The following SGCZ variants were observed in gnomAD, a reference collection of about 807,000 sequenced individuals.
The protein encoded by SGCZ is zeta-sarcoglycan.
SGCZ carries 40 observed loss-of-function variants against 41.3 expected under a neutral mutation model. The observed-to-expected ratio is 0.97, with a 90% CI of 0.75 to 1.26. The LOEUF is 1.26. Ranked by LOEUF, SGCZ falls within the 50% of genes most tolerant of loss-of-function variation. The pLI, the probability that SGCZ is intolerant of heterozygous loss-of-function variation, is 0.00. For synonymous variants in SGCZ, 206 were observed against 137.5 expected, an observed-to-expected ratio of 1.50 and a Z score of -3.49; for missense variants, 552 against 369.8, an observed-to-expected ratio of 1.49 and a Z score of -4.04.
rs1478385900 is a variant in SGCZ at position 14,400,611 on chromosome 8, A to G, written c.235-76407T>C. On this transcript the variant is annotated intron_variant, in intron 2 of 7. Coordinates refer to ENST00000382080, the MANE Select transcript of SGCZ (RefSeq NM_139167.4). Reference sequence around the variant, plus strand: ...TCAGGTTACTTTGCTTTATAAAAATATATTATGTGACCAGACCACATACTG... The same window carrying G: ...TCAGGTTACTTTGCTTTATAAAAATGTATTATGTGACCAGACCACATACTG... Among the ~76,000 whole-genome samples the G allele has an allele frequency of 4.6e-5, 7 of 152,148 alleles. No homozygotes were observed. In the East Asian group the frequency reaches 1.3e-3, roughly 29 times the overall value.
chr8:14,716,309 G>C (rs941142982), intron 1 of SGCZ, among the ~76,000 whole-genome samples: 7 of 151,944 alleles, frequency 4.6e-5, no homozygotes, highest in African/African-American at 1.7e-4. Flanking sequence ...TTTATTTCTT[G>C]AACAATGAGA....
chr8:14,872,309 A>G (rs1804190583), intron 1 of SGCZ, among the ~76,000 whole-genome samples: 2 of 152,054 alleles, frequency 1.3e-5, no homozygotes. Flanking sequence ...CCAGAACTTA[A>G]ACTATAATTT....
chr8:14,918,690 T>A (rs1799507638), intron 1 of SGCZ, among the ~76,000 whole-genome samples: 2 of 152,222 alleles, frequency 1.3e-5, no homozygotes, highest in South Asian at 4.1e-4. Context: ...AATAATTTTG[T>A]ATCTTACTAT....
chr8:14,091,886 C>T (rs552731612), intron 7 of SGCZ, among the ~76,000 whole-genome samples: 1 of 152,246 alleles, frequency 6.6e-6, no homozygotes, highest in South Asian at 2.1e-4. Flanking sequence ...GAAGTCTTTG[C>T]CCATGCCTAT....
intron 2 of SGCZ, among the ~76,000 whole-genome samples, chr8:14,490,161 C>T (rs904588297): frequency 6.6e-6 from 1 of 152,030 alleles, no homozygotes; most frequent in African/African-American, 2.4e-5. Flanking sequence ...CCACCATGCC[C>T]GGCCAACTCT....
intron 1 of SGCZ, among the ~76,000 whole-genome samples, chr8:14,684,390 C>A (rs776635232): frequency 6.6e-6 from 1 of 152,070 alleles, no homozygotes; most frequent in Non-Finnish European, 1.5e-5. Flanking sequence ...CATTTTGGTT[C>A]GTTACATCAC....
At chr8:14,259,184 C>T (rs1441967695) in intron 3 of SGCZ, among the ~76,000 whole-genome samples, 1 of 151,996 alleles carries the variant, frequency 6.6e-6, no homozygotes. Flanking sequence ...CCATTTATGC[C>T]ATAGATAAAA....
At chr8:14,455,339 A>T (rs1315499402) in intron 2 of SGCZ, among the ~76,000 whole-genome samples, 1 of 152,152 alleles carries the variant, frequency 6.6e-6, no homozygotes, top group Non-Finnish European at 1.5e-5. Flanking sequence ...TCTATTTATT[A>T]TATAGGCAAA....
chr8:14,628,081 C>T (rs2117389253), intron 1 of SGCZ, among the ~76,000 whole-genome samples: 1 of 152,078 alleles, frequency 6.6e-6, no homozygotes, highest in East Asian at 1.9e-4. Context: ...TAGAATAGTC[C>T]TAAATGTTAT....
chr8:14,124,594 T>C (rs1210693230), intron 5 of SGCZ, among the ~76,000 whole-genome samples: 1 of 152,160 alleles, frequency 6.6e-6, no homozygotes, highest in Non-Finnish European at 1.5e-5. Flanking sequence ...ACATCAATCA[T>C]TCATCTTAAT....
At chr8:14,444,598 T>A (rs1800376241) in intron 2 of SGCZ, among the ~76,000 whole-genome samples, 1 of 135,500 alleles carries the variant, frequency 7.4e-6, no homozygotes, top group Non-Finnish European at 1.5e-5. Flanking sequence ...CACTCACAGG[T>A]GGGAATTGAA....
At chr8:14,695,183 G>C (rs1226533455) in intron 1 of SGCZ, among the ~76,000 whole-genome samples, 1 of 151,976 alleles carries the variant, frequency 6.6e-6, no homozygotes, top group Non-Finnish European at 1.5e-5. Context: ...CAAATAACTA[G>C]AAATATTTTT....
At chr8:15,049,111 A>G (rs749692059) in intron 1 of SGCZ, among the ~76,000 whole-genome samples, 7 of 152,188 alleles carry the variant, frequency 4.6e-5, no homozygotes, top group Non-Finnish European at 1.0e-4. Context: ...TGGAGCCACA[A>G]TCGTGAATAT....
At chr8:15,137,462 C>A (rs944528461) in intron 1 of SGCZ, among the ~76,000 whole-genome samples, 1 of 152,192 alleles carries the variant, frequency 6.6e-6, no homozygotes, top group Admixed American at 6.5e-5. Flanking sequence ...ATGTCGGGGA[C>A]CTTCCTGGCA....
chr8:14,874,767 C>T (rs1056740611), intron 1 of SGCZ, among the ~76,000 whole-genome samples: 1 of 152,078 alleles, frequency 6.6e-6, no homozygotes, highest in Non-Finnish European at 1.5e-5. Flanking sequence ...GGAAAAAAGA[C>T]ACATGTCTTG....
intron 1 of SGCZ, among the ~76,000 whole-genome samples, chr8:14,782,051 C>T (rs1662742168): frequency 6.6e-6 from 1 of 152,082 alleles, no homozygotes; most frequent in Non-Finnish European, 1.5e-5. Context: ...ATTTGGGTGA[C>T]AAACTTGTAC....
intron 3 of SGCZ, among the ~76,000 whole-genome samples, chr8:14,288,937 C>T (rs117212616): frequency 0.049 from 7,472 of 152,180 alleles, 255 homozygotes; most frequent in Non-Finnish European, 0.075. Flanking sequence ...TTCACCAGTA[C>T]TTGTTATTTT....
In SGCZ at chr8:14,141,750, G is replaced by A. The variant is rs541247765; in HGVS notation, c.547+22830C>T. 1.1e-4 allele frequency among the ~76,000 whole-genome samples: 17 copies of A among 152,260 alleles called. No homozygotes were observed. The South Asian group carries it at 3.3e-3, about 30-fold the overall frequency. On this transcript the variant is annotated intron_variant, in intron 5 of 7. Coordinates refer to ENST00000382080, the MANE Select transcript of SGCZ (RefSeq NM_139167.4). ...AAACTACTTCAACCATTGTGGAAGA[G>A]AGTGTGGCAATTCCTCAAGGATCTA...
At chr8:14,257,260 G>C (rs1278218211) in intron 3 of SGCZ, among the ~76,000 whole-genome samples, 1 of 151,854 alleles carries the variant, frequency 6.6e-6, no homozygotes, top group Non-Finnish European at 1.5e-5. Flanking sequence ...GATCCCAGGA[G>C]GTTGAGGCTG....
Sources: allele counts gnomAD v4.1 joint callset (sites outside exome capture counted in the v4.1 genomes callset), GRCh38; gene constraint gnomAD v4.1.1; transcripts MANE v1.5; gene names NCBI Gene and HGNC (gene_info 2026-07-23, HGNC 2026-07-21).